KCNH7: variants seen among roughly 807,000 people sequenced by gnomAD.
KCNH7 encodes the protein potassium voltage-gated channel subfamily H member 7.
A neutral mutation model predicts 120.8 loss-of-function variants in KCNH7; 49 were observed. The observed-to-expected ratio is 0.41, with a 90% confidence interval of 0.32 to 0.51. KCNH7 has a LOEUF of 0.51. KCNH7 is among the 20% of genes least tolerant of loss of function. KCNH7 has a pLI of 0.38. For missense variants in KCNH7, 1,097 were observed against 1,446.6 expected (o/e 0.76, Z 3.92); for synonymous variants, 547 against 516.1 (o/e 1.06, Z -0.81).
At chr2:162,827,922 C>G (rs533000844) in intron 2 of KCNH7, among the ~76,000 whole-genome samples, 1 of 152,074 alleles carries the variant, frequency 6.6e-6, no homozygotes, top group East Asian at 1.9e-4. Flanking sequence ...CAATGTTAGA[C>G]CTTTGGGAGA....
chr2:162,726,543 C>G (rs1322407233), intron 2 of KCNH7, among the ~76,000 whole-genome samples: 1 of 152,114 alleles, frequency 6.6e-6, no homozygotes, highest in Admixed American at 6.5e-5. Flanking sequence ...CCTCAGCCTC[C>G]TGAGAAGCTG....
chr2:162,695,712 G>T (rs1009600448), intron 2 of KCNH7, among the ~76,000 whole-genome samples: 5 of 152,110 alleles, frequency 3.3e-5, no homozygotes, highest in South Asian at 2.1e-4. Flanking sequence ...AAAGCAGAAG[G>T]GGCAGCAGCG....
At chr2:162,553,205 A>T (rs969104022) in intron 2 of KCNH7, among the ~76,000 whole-genome samples, 1 of 152,132 alleles carries the variant, frequency 6.6e-6, no homozygotes, top group Non-Finnish European at 1.5e-5. Flanking sequence ...TGACTGTATG[A>T]ACTGGTAGAT....
At chr2:162,747,979 A>C (rs1337403612) in intron 2 of KCNH7, among the ~76,000 whole-genome samples, 1 of 152,184 alleles carries the variant, frequency 6.6e-6, no homozygotes, top group Non-Finnish European at 1.5e-5. Context: ...TATGGTTTAC[A>C]GCCCCTTTAT....
intron 3 of KCNH7, among the ~76,000 whole-genome samples, chr2:162,535,003 C>G (rs1692060280): frequency 6.6e-6 from 1 of 151,714 alleles, no homozygotes; most frequent in South Asian, 2.1e-4. Flanking sequence ...GAATAATACA[C>G]TCATTTCCAC....
At chr2:162,651,376 C>G (rs1000089050) in intron 2 of KCNH7, among the ~76,000 whole-genome samples, 2 of 152,118 alleles carry the variant, frequency 1.3e-5, no homozygotes, top group Admixed American at 6.5e-5. Flanking sequence ...CACCCCACCC[C>G]CAAGTAGGCC....
chr2:162,746,707 A>T (rs1688327801), intron 2 of KCNH7, among the ~76,000 whole-genome samples: 2 of 152,154 alleles, frequency 1.3e-5, no homozygotes, highest in South Asian at 4.1e-4. Context: ...TTACACAGTA[A>T]ATATGGTGTA....
At chr2:162,571,249 C>T (rs925815796) in intron 2 of KCNH7, among the ~76,000 whole-genome samples, 34 of 151,964 alleles carry the variant, frequency 2.2e-4, no homozygotes, top group Admixed American at 3.9e-4. Context: ...TATACACCAA[C>T]AACAGACAAA....
intron 2 of KCNH7, among the ~76,000 whole-genome samples, chr2:162,830,485 C>T (rs750810964): frequency 6.6e-6 from 1 of 152,012 alleles, no homozygotes; most frequent in Non-Finnish European, 1.5e-5. Context: ...TTATATTCTC[C>T]AAATAGTTAT....
intron 8 of KCNH7, among the ~76,000 whole-genome samples, chr2:162,429,454 A>T (rs2105506895): frequency 8.0e-6 from 1 of 124,876 alleles, no homozygotes; most frequent in East Asian, 2.4e-4. Context: ...TGTTGATCCA[A>T]ATTTTCATCT....
chr2:162,450,195 C>G (rs1216625361), intron 6 of KCNH7, among the ~76,000 whole-genome samples: 1 of 151,960 alleles, frequency 6.6e-6, no homozygotes, highest in African/African-American at 2.4e-5. Flanking sequence ...AAATATTTTT[C>G]TTTACTTAAG....
At chr2:162,378,084 A>G (rs1686277726) in intron 14 of KCNH7, among the ~76,000 whole-genome samples, 2 of 152,220 alleles carry the variant, frequency 1.3e-5, no homozygotes, top group South Asian at 4.1e-4. Flanking sequence ...AATTATACGT[A>G]GAGTAGGAGA....
intron 3 of KCNH7, among the ~76,000 whole-genome samples, chr2:162,520,924 C>A (rs1691501264): frequency 6.6e-6 from 1 of 151,810 alleles, no homozygotes; most frequent in Non-Finnish European, 1.5e-5. Flanking sequence ...CTCTAGAATC[C>A]AGTCATATGG....
chr2:162,400,361 G>T lies in KCNH7; in HGVS notation c.2235C>A (p.Ala745=), dbSNP rs143736950. The T allele has an allele frequency of 1.8e-5, 29 of 1,612,440 alleles. No homozygotes were observed. In the African/African-American group the frequency reaches 3.3e-4, roughly 19 times the overall value. The change falls in exon 10 of 16, where the codon GCC becomes GCA. Residue 745 remains alanine, a synonymous_variant. Coordinates refer to ENST00000332142, the MANE Select transcript of KCNH7 (RefSeq NM_033272.4). The part of the protein sequence containing the change: ...LNQTLLQNCK[A]FRGASKGCLR... ...GGCAACCTTTACTTGCCCCCCGAAAGGCTTTGCAGTTTTGCAGCAATGTCT... is the reference window on the plus strand; with the variant it reads ...GGCAACCTTTACTTGCCCCCCGAAATGCTTTGCAGTTTTGCAGCAATGTCT...
intron 2 of KCNH7, among the ~76,000 whole-genome samples, chr2:162,673,640 G>T (rs1334742265): frequency 1.3e-5 from 2 of 152,010 alleles, no homozygotes; most frequent in Non-Finnish European, 2.9e-5. Context: ...CATTCAGTAT[G>T]GCCCCTGGAA....
At chr2:162,818,902 T>A (rs1685006916) in intron 2 of KCNH7, among the ~76,000 whole-genome samples, 1 of 152,214 alleles carries the variant, frequency 6.6e-6, no homozygotes, top group African/African-American at 2.4e-5. Flanking sequence ...CAAGTGCTTC[T>A]AGTGATGCTC....
At position 162,480,571 on chromosome 2, in the gene KCNH7, C is replaced by A. The variant is rs111281231; in HGVS notation, c.1128+23872G>T. Among the ~76,000 whole-genome samples, 434 of 152,230 alleles carry A rather than the reference C, an allele frequency of 2.9e-3. 2 individuals carry two copies. The highest frequency in any genetic ancestry group is 0.01 in the African/African-American group (417 of 41,548). The stretch of plus-strand genomic sequence containing the variant: ...AGATGCAAATATATCCCAGTGAGAA[C>A]AAAACTCTCAGTTTTTCATGCAGCT... On this transcript the variant is annotated intron_variant, in intron 6 of 15. Coordinates refer to ENST00000332142, the MANE Select transcript of KCNH7 (RefSeq NM_033272.4).
At chr2:162,402,983 T>A (rs147923443) in intron 9 of KCNH7, among the ~76,000 whole-genome samples, 189 of 152,114 alleles carry the variant, frequency 1.2e-3, no homozygotes, top group African/African-American at 4.2e-3. Flanking sequence ...TTGACTTTGG[T>A]CAAATTACTT....
At position 162,572,120 on chromosome 2, in the gene KCNH7, T is replaced by C. The variant is rs188686134; in HGVS notation, c.308-35040A>G. On this transcript the variant is annotated intron_variant, in intron 2 of 15. Coordinates refer to ENST00000332142, the MANE Select transcript of KCNH7 (RefSeq NM_033272.4). ...CAGGGTGAACAGGCAACCTACAAAA[T>C]GGGAGAAAATTTTCGCAACCTACTC... Among the ~76,000 whole-genome samples the C allele has an allele frequency of 1.3e-3, 201 of 151,930 alleles. 1 individual carries two copies. The highest frequency in any genetic ancestry group is 4.2e-3 in the African/African-American group (175 of 41,444).
Sources: gnomAD v4.1 joint callset for allele counts (sites outside exome capture counted in the v4.1 genomes callset) on GRCh38, gnomAD v4.1.1 for gene constraint, MANE v1.5 for transcripts, NCBI Gene and HGNC (gene_info 2026-07-23, HGNC 2026-07-21) for gene names.